COL24A1: variants seen among roughly 807,000 people sequenced by gnomAD.
The protein encoded by COL24A1 is collagen type XXIV alpha 1 chain, also known as collagen alpha-1(XXIV) chain.
In COL24A1, 224 loss-of-function variants were observed where a neutral mutation model predicts 253.9. The observed-to-expected ratio is 0.88, with a 90% confidence interval of 0.79 to 0.99. The LOEUF is 0.99. Among genes scored for constraint, COL24A1 ranks in the 50% least tolerant of loss-of-function variants. The pLI is 0.00. For synonymous variants in COL24A1, 685 were observed against 673.7 expected (o/e 1.02, Z -0.26); for missense variants, 2,131 against 2,068.5 (o/e 1.03, Z -0.59).
At chr1:85,850,920 G>A (rs1276113225) in intron 37 of COL24A1, among the ~76,000 whole-genome samples, 1 of 151,404 alleles carries the variant, frequency 6.6e-6, no homozygotes, top group African/African-American at 2.4e-5. Context: ...GATGTTAAAA[G>A]GTACAATGAA....
intron 9 of COL24A1, among the ~76,000 whole-genome samples, 180 bp from the exon 10 acceptor site, chr1:86,058,155 G>A (rs1322150388): frequency 2.0e-5 from 3 of 151,894 alleles, no homozygotes; most frequent in Non-Finnish European, 4.4e-5. Context: ...ATCAAAAGAG[G>A]CACTGGAAAT....
At chr1:85,947,647 T>TA (rs201394742) in intron 24 of COL24A1, among the ~76,000 whole-genome samples, 7 of 152,244 alleles carry the variant, frequency 4.6e-5, no homozygotes, top group East Asian at 1.9e-4. Context: ...AAAGCTGACT[T>TA]AAAAAAATCA....
chr1:86,039,234 A>C (rs917512651), intron 12 of COL24A1, among the ~76,000 whole-genome samples: 2 of 152,176 alleles, frequency 1.3e-5, no homozygotes, highest in African/African-American at 4.8e-5. Flanking sequence ...GGTAGTTATT[A>C]AACACTAAGA....
intron 2 of COL24A1, among the ~76,000 whole-genome samples, chr1:86,131,824 G>C (rs1251998788): frequency 2.0e-5 from 3 of 152,034 alleles, no homozygotes; most frequent in Non-Finnish European, 4.4e-5. Context: ...ATAAACATAT[G>C]TGTGCATGTG....
At chr1:86,119,575 A>G (rs1203007797) in intron 3 of COL24A1, among the ~76,000 whole-genome samples, 8 of 152,258 alleles carry the variant, frequency 5.3e-5, no homozygotes, top group African/African-American at 1.9e-4. Context: ...AGGGTTTCGC[A>G]ACAAATTGTG....
At chr1:86,047,229 C>T (rs1240950568) in intron 11 of COL24A1, among the ~76,000 whole-genome samples, 1 of 152,224 alleles carries the variant, frequency 6.6e-6, no homozygotes. Context: ...GCCCTCCTCT[C>T]TGCCTTCCCC....
intron 35 of COL24A1, among the ~76,000 whole-genome samples, chr1:85,873,519 TGAGTTCATGTTCTTTGTTGG>T (rs1329667158): frequency 6.6e-6 from 1 of 152,194 alleles, no homozygotes; most frequent in Non-Finnish European, 1.5e-5. Context: ...TAAAAAAGGA[TGAGTTCATGTTCTTTGTTGG>T]GACATGGATG....
intron 8 of COL24A1, among the ~76,000 whole-genome samples, chr1:86,061,668 T>C (rs1232696730): frequency 6.6e-6 from 1 of 152,088 alleles, no homozygotes; most frequent in African/African-American, 2.4e-5. Flanking sequence ...AATCTTTATA[T>C]GGCATAAACG....
Position 86,050,168 on chromosome 1 carries a change from C to T in COL24A1, c.1861G>A (p.Gly621Ser), listed in dbSNP as rs1462611652. The T allele has an allele frequency of 1.2e-6, 2 of 1,612,938 alleles. No homozygotes were observed. Among genetic ancestry groups the T allele is most frequent in the African/African-American group, 2.7e-5 (2 of 74,800 alleles). Residue 621 changes from glycine to serine, a missense_variant, in exon 11 of 60, where the codon GGC becomes AGC. By Grantham distance (56) the Gly-to-Ser change is moderately conservative. Coordinates refer to ENST00000370571, the MANE Select transcript of COL24A1 (RefSeq NM_152890.7). ...AGTTGTCCCGCTTCTCCAGGAGAGC[C>T]AATAAAACCCTTAAAACAAGAAAAT... ...PGPKGAQGFI[G>S]SPGEAGQLGP...
At chr1:85,748,523 G>A (rs1228316678) in intron 55 of COL24A1, among the ~76,000 whole-genome samples, 1 of 152,128 alleles carries the variant, frequency 6.6e-6, no homozygotes, top group Non-Finnish European at 1.5e-5. Flanking sequence ...AAGGACAGAG[G>A]GAGGAGCCAA....
At chr1:85,911,272 TAA>T in intron 25 of COL24A1, 106 bp downstream of exon 25, 1 of 852,406 alleles carries the variant, frequency 1.2e-6, no homozygotes, top group Non-Finnish European at 1.9e-6. Context: ...GGTAATGTGC[TAA>T]AGTTATAAGT....
chr1:85,790,444 T>C (rs966183122), intron 47 of COL24A1, among the ~76,000 whole-genome samples: 1 of 152,198 alleles, frequency 6.6e-6, no homozygotes, highest in African/African-American at 2.4e-5. Flanking sequence ...TCTTCTATCT[T>C]TTCTTCTTTA....
At chr1:86,053,791 C>A (rs540273504) in intron 10 of COL24A1, among the ~76,000 whole-genome samples, 3 of 151,954 alleles carry the variant, frequency 2.0e-5, no homozygotes, top group Non-Finnish European at 2.9e-5. Flanking sequence ...CCAAAAAATA[C>A]CAACAAATAA....
chr1:85,915,140 A>G (rs1685770834), intron 24 of COL24A1, among the ~76,000 whole-genome samples: 1 of 152,216 alleles, frequency 6.6e-6, no homozygotes, highest in Non-Finnish European at 1.5e-5. Flanking sequence ...GGCACTGTCC[A>G]ATCTGTTGAG....
rs567349903 is a variant in COL24A1 at position 85,909,946 on chromosome 1, T to C, written c.2670+4A>G. ...ACATATTTTTCAAATCACTGAGCTCTTACCATAACACCTTTTTCTCCCTGC... is the reference window on the plus strand; with the variant it reads ...ACATATTTTTCAAATCACTGAGCTCCTACCATAACACCTTTTTCTCCCTGC... On this transcript the variant is annotated splice_donor_region_variant and intron_variant, in intron 26 of 59. Transcript: ENST00000370571. The C allele has an allele frequency of 1.2e-6, 2 of 1,607,494 alleles. No homozygotes were observed. The highest frequency in any genetic ancestry group is 1.7e-6 in the Non-Finnish European group (2 of 1,174,490).
intron 47 of COL24A1, among the ~76,000 whole-genome samples, chr1:85,802,625 T>A (rs1197615593): frequency 3.3e-5 from 5 of 152,172 alleles, no homozygotes; most frequent in Non-Finnish European, 7.3e-5. Context: ...GTATATAATT[T>A]GATAAACTGG....
At chr1:86,012,724 AT>A (rs141825750) in intron 19 of COL24A1, among the ~76,000 whole-genome samples, 12,780 of 152,260 alleles carry the variant, frequency 0.084, 661 homozygotes, top group Middle Eastern at 0.19. Flanking sequence ...CCTCTGCCCT[AT>A]TTAAAGCCTC....
chr1:86,022,270 TG>T lies in COL24A1; in HGVS notation c.2225del (p.Pro742HisfsTer4), dbSNP rs776398816. On this transcript the variant is annotated frameshift_variant, in exon 18 of 60. Coordinates refer to ENST00000370571, the MANE Select transcript of COL24A1 (RefSeq NM_152890.7). LOFTEE classifies it high-confidence loss of function. The part of the protein sequence containing the change: ...GDKGAVGLPG[P>X]PGMRGKSGPS... ...GCCCTGACTTTCCTCTCATCCCTGGTGGTCCTGGTAAACCAACAGCACCCTA... is the reference window on the plus strand; with the variant it reads ...GCCCTGACTTTCCTCTCATCCCTGGTGTCCTGGTAAACCAACAGCACCCTA... 1.2e-6 allele frequency: 2 copies of T among 1,612,494 alleles called. No homozygotes were observed. The highest frequency in any genetic ancestry group is 8.5e-7 in the Non-Finnish European group (1 of 1,179,118).
intron 14 of COL24A1, among the ~76,000 whole-genome samples, chr1:86,028,518 C>T (rs2101463156): frequency 6.6e-6 from 1 of 152,328 alleles, no homozygotes; most frequent in African/African-American, 2.4e-5. Flanking sequence ...CTACAGAAGG[C>T]ACCTGCTTTT....
Sources: gnomAD v4.1 joint callset for allele counts (sites outside exome capture counted in the v4.1 genomes callset) on GRCh38, gnomAD v4.1.1 for gene constraint, MANE v1.5 for transcripts, NCBI Gene and HGNC (gene_info 2026-07-23, HGNC 2026-07-21) for gene names.